The following CPAMD8 variants were observed in gnomAD, a reference collection of about 807,000 sequenced individuals.
The protein encoded by CPAMD8 is C3 and PZP like alpha-2-macroglobulin domain containing 8.
CPAMD8 carries 146 observed loss-of-function variants against 224.7 expected under a neutral mutation model. That is an observed-to-expected ratio of 0.65 (90% CI 0.57 to 0.75). The LOEUF (loss-of-function observed/expected upper bound fraction) is 0.75. Among genes scored for constraint, CPAMD8 ranks in the 30% least tolerant of loss-of-function variants. The probability of loss-of-function intolerance (pLI) is 0.00; values close to 1 mark genes in which losing one functional copy is unlikely to be tolerated. For missense variants in CPAMD8, 2,301 were observed against 2,537.5 expected (o/e 0.91, Z 2.00); for synonymous variants, 966 against 1,044.6 (o/e 0.92, Z 1.45).
rs970753503 is a variant in CPAMD8 at position 16,920,902 on chromosome 19, T to C, written c.3629+1003A>G. Among the ~76,000 whole-genome samples the C allele has an allele frequency of 5.4e-5, 8 of 148,316 alleles. No homozygotes were observed. The East Asian group carries it at 1.6e-3, about 30-fold the overall frequency. On this transcript the variant is annotated intron_variant, in intron 27 of 41. Coordinates refer to ENST00000443236, the MANE Select transcript of CPAMD8 (RefSeq NM_015692.5). ...AAAGGTCCAATGCGTCACAACTTGC[T>C]AATCCTGGCTGGTGGAGGCCTCCTA...
chr19:16,996,936 C>T (rs1043558103), intron 11 of CPAMD8, among the ~76,000 whole-genome samples, 175 bp downstream of exon 11: 1 of 152,070 alleles, frequency 6.6e-6, no homozygotes, highest in African/African-American at 2.4e-5. Context: ...TGTCCTTTCC[C>T]GTGGAGGAAA....
intron 21 of CPAMD8, 34 bp downstream of exon 21, chr19:16,947,039 GA>G (rs773866072): frequency 6.4e-7 from 1 of 1,557,686 alleles, no homozygotes; most frequent in Non-Finnish European, 8.7e-7. Flanking sequence ...GTGGCCTGGA[GA>G]GGGGGGACAC....
chr19:16,942,173 C>T (rs536401620), intron 22 of CPAMD8, among the ~76,000 whole-genome samples: 5 of 151,816 alleles, frequency 3.3e-5, no homozygotes, highest in Admixed American at 3.3e-4. Flanking sequence ...ACTAATTATC[C>T]AGTCATGGTC....
Position 17,009,306 on chromosome 19 carries a change from G to A in CPAMD8, c.501C>T (p.Ile167=). ...RPVNEKLEAY[I]LDPRGSRMIE... ...AGGAAGGACAGAGGCCACTCACCAG[G>A]ATGTAGGCTTCCAGCTGTAATGAAG... Residue 167 remains isoleucine (I), a synonymous_variant, in exon 6 of 42, where the codon ATC becomes ATT. Transcript: ENST00000443236. The A allele has an allele frequency of 6.2e-7, 1 of 1,614,116 alleles. No homozygotes were observed. The highest frequency in any genetic ancestry group is 8.5e-7 in the Non-Finnish European group (1 of 1,179,982).
intron 18 of CPAMD8, among the ~76,000 whole-genome samples, chr19:16,969,995 G>A (rs1243772090): frequency 6.6e-6 from 1 of 151,514 alleles, no homozygotes; most frequent in Non-Finnish European, 1.5e-5. Flanking sequence ...AGCACTTTGG[G>A]AAGCCAAGGT....
chr19:16,917,047 C>T (rs748709302), intron 27 of CPAMD8, among the ~76,000 whole-genome samples: 2 of 152,192 alleles, frequency 1.3e-5, no homozygotes, highest in Non-Finnish European at 2.9e-5. Flanking sequence ...GTGCTCTCTA[C>T]TTTCCCACTG....
chr19:16,993,628 A>G, intron 11 of CPAMD8, 42 bp from the exon 12 acceptor site: 2 of 1,587,094 alleles, frequency 1.3e-6, no homozygotes, highest in Non-Finnish European at 1.7e-6. Context: ...TAAGACGGCC[A>G]TGCTCCCCAA....
At chr19:16,971,079 TG>T (rs1417098185) in intron 17 of CPAMD8, 46 bp from the exon 18 acceptor site, 1 of 1,531,226 alleles carries the variant, frequency 6.5e-7, no homozygotes, top group South Asian at 1.2e-5. Context: ...AAGTGGATGC[TG>T]ACAGCCCCCA....
At chr19:17,020,457 T>A in intron 2 of CPAMD8, 104 bp from the exon 3 acceptor site, 1 of 825,294 alleles carries the variant, frequency 1.2e-6, no homozygotes, top group South Asian at 1.4e-5. Context: ...CCCAAAGGGG[T>A]TTCATGTGGA....
intron 5 of CPAMD8, among the ~76,000 whole-genome samples, chr19:17,010,362 G>A (rs964846747): frequency 1.3e-5 from 2 of 152,110 alleles, no homozygotes; most frequent in South Asian, 2.1e-4. Flanking sequence ...AGCTTCCCAA[G>A]TAGCTGGGAC....
chr19:17,018,121 C>T (rs1433742072), intron 3 of CPAMD8, among the ~76,000 whole-genome samples: 1 of 151,952 alleles, frequency 6.6e-6, no homozygotes, highest in Admixed American at 6.6e-5. Context: ...ACTATCTCAG[C>T]CTCCATTCTG....
At chr19:16,926,232 T>C (rs1011395586) in intron 25 of CPAMD8, among the ~76,000 whole-genome samples, 4 of 152,126 alleles carry the variant, frequency 2.6e-5, no homozygotes, top group Non-Finnish European at 5.9e-5. Flanking sequence ...TCTTCTTGGC[T>C]TCCTTGTCTC....
chr19:17,022,445 A>G (rs1281463554), intron 1 of CPAMD8, among the ~76,000 whole-genome samples: 1 of 150,792 alleles, frequency 6.6e-6, no homozygotes, highest in African/African-American at 2.4e-5. Flanking sequence ...TACTCTCTCT[A>G]TTCCGGCCTC....
intron 18 of CPAMD8, among the ~76,000 whole-genome samples, chr19:16,961,806 C>A (rs535673062): frequency 5.3e-5 from 8 of 152,142 alleles, no homozygotes; most frequent in Non-Finnish European, 1.2e-4. Flanking sequence ...CCCTCTGAGA[C>A]GAAGCTTCCA....
intron 41 of CPAMD8, chr19:16,894,254 C>T (rs2051870924): frequency 2.6e-6 from 1 of 381,988 alleles, no homozygotes; most frequent in South Asian, 1.8e-5. Context: ...TCCCAAGAGT[C>T]TCATCCTAGG....
At chr19:16,894,573 G>A (rs1260452269) in intron 41 of CPAMD8, 6 of 433,680 alleles carry the variant, frequency 1.4e-5, no homozygotes, top group African/African-American at 8.1e-5. Context: ...AACCCCAACT[G>A]GATGGGGGAC....
intron 20 of CPAMD8, among the ~76,000 whole-genome samples, chr19:16,948,199 G>A (rs970041167): frequency 1.3e-5 from 2 of 152,188 alleles, no homozygotes; most frequent in South Asian, 2.1e-4. Context: ...TGGGTGCCCC[G>A]CTAGGAATTA....
At chr19:16,953,703 T>C (rs548672985) in intron 19 of CPAMD8, among the ~76,000 whole-genome samples, 2 of 146,490 alleles carry the variant, frequency 1.4e-5, no homozygotes, top group Admixed American at 1.4e-4. Flanking sequence ...GTCAACCCAG[T>C]GGGAGAAAAT....
intron 19 of CPAMD8, among the ~76,000 whole-genome samples, chr19:16,954,476 A>G (rs2054398941): frequency 1.3e-5 from 2 of 152,182 alleles, no homozygotes; most frequent in Admixed American, 6.5e-5. Context: ...TCCTTAAAAA[A>G]TTAAACATAA....
Sources: gnomAD v4.1 joint callset for allele counts (sites outside exome capture counted in the v4.1 genomes callset) on GRCh38, gnomAD v4.1.1 for gene constraint, MANE v1.5 for transcripts, NCBI Gene and HGNC (gene_info 2026-07-23, HGNC 2026-07-21) for gene names.